CHL1: variants seen among roughly 807,000 people sequenced by gnomAD.
CHL1 encodes the protein neural cell adhesion molecule L1-like protein.
In CHL1, 96 loss-of-function variants were observed where a neutral mutation model predicts 141.9. That is an observed-to-expected ratio of 0.68 (90% CI 0.57 to 0.80). The LOEUF is 0.80. Ranked by LOEUF, CHL1 falls within the 30% of genes least tolerant of loss-of-function variation. The probability of loss-of-function intolerance (pLI) is 0.00; values close to 1 mark genes in which losing one functional copy is unlikely to be tolerated. For missense variants in CHL1, 1,820 were observed against 1,457.2 expected (o/e 1.25, Z -4.05); for synonymous variants, 613 against 502.2 (o/e 1.22, Z -2.95).
intron 2 of CHL1, among the ~76,000 whole-genome samples, chr3:279,251 A>G (rs916476436): frequency 4.6e-5 from 7 of 152,204 alleles, no homozygotes; most frequent in Non-Finnish European, 7.3e-5. Context: ...CAATAGAGAA[A>G]GTATCCGGTT....
At position 391,012 on chromosome 3, in the gene CHL1, A is replaced by G. The variant is rs757068196; in HGVS notation, c.2644A>G (p.Asn882Asp). ...LDGRTHPKEV[N>D]ILRFSGQRNS... Reference sequence around the variant, plus strand: ...TGGAAGAACACATCCCAAAGAAGTGAACATTCTAAGATTTTCAGGACAAAG... The same window carrying G: ...TGGAAGAACACATCCCAAAGAAGTGGACATTCTAAGATTTTCAGGACAAAG... Residue 882 changes from asparagine (N) to aspartate (D), a missense_variant, in exon 22 of 28, where the codon AAC (asparagine) becomes GAC (aspartate). Coordinates refer to ENST00000256509, the MANE Select transcript of CHL1 (RefSeq NM_006614.4). 6.2e-7 allele frequency: 1 copy of G among 1,614,210 alleles called. No homozygotes were observed. The highest frequency in any genetic ancestry group is 2.2e-5 in the East Asian group (1 of 44,884).
intron 2 of CHL1, among the ~76,000 whole-genome samples, chr3:252,497 A>G (rs888372764): frequency 1.3e-5 from 2 of 150,748 alleles, no homozygotes; most frequent in Non-Finnish European, 3.0e-5. Context: ...TAGGAAACAC[A>G]TATTGAATAT....
intron 1 of CHL1, among the ~76,000 whole-genome samples, chr3:240,946 A>G (rs553386061): frequency 2.6e-5 from 4 of 152,068 alleles, no homozygotes; most frequent in East Asian, 1.9e-4. Context: ...ATTCTGTTCC[A>G]TTGGTCTATG....
chr3:210,176 A>G (rs1699785677), intron 1 of CHL1, among the ~76,000 whole-genome samples: 1 of 152,248 alleles, frequency 6.6e-6, no homozygotes, highest in African/African-American at 2.4e-5. Flanking sequence ...ATGATGAAAA[A>G]TATTCTGAAT....
chr3:218,329 T>C (rs1300004063), intron 1 of CHL1, among the ~76,000 whole-genome samples: 1 of 152,204 alleles, frequency 6.6e-6, no homozygotes, highest in African/African-American at 2.4e-5. Context: ...AAAGACCCTT[T>C]CCATTCAATT....
chr3:226,570 C>T (rs1207725713), intron 1 of CHL1, among the ~76,000 whole-genome samples: 2 of 151,760 alleles, frequency 1.3e-5, no homozygotes, highest in Non-Finnish European at 2.9e-5. Flanking sequence ...CTGCTTCAGC[C>T]TCCCGAGTGG....
At chr3:235,552 G>T (rs1176969579) in intron 1 of CHL1, among the ~76,000 whole-genome samples, 1 of 152,100 alleles carries the variant, frequency 6.6e-6, no homozygotes, top group Non-Finnish European at 1.5e-5. Context: ...GTGTGATCAG[G>T]CATTAGTTCA....
intron 9 of CHL1, among the ~76,000 whole-genome samples, chr3:347,447 G>T (rs1375956886): frequency 6.6e-6 from 1 of 152,042 alleles, no homozygotes; most frequent in Non-Finnish European, 1.5e-5. Flanking sequence ...TTTTTGCCAT[G>T]GTATAGACCT....
intron 9 of CHL1, among the ~76,000 whole-genome samples, chr3:346,016 A>T (rs1036262): frequency 0.87 from 131,698 of 152,200 alleles, 60,186 homozygotes; most frequent in East Asian, 1. Flanking sequence ...AGCACCTGGG[A>T]TTACTCATTT....
At position 344,724 on chromosome 3, in the gene CHL1, T is replaced by A. The variant is rs1702618599; in HGVS notation, c.848+15T>A. On this transcript the variant is annotated intron_variant, in intron 9 of 27. Coordinates refer to ENST00000256509, the MANE Select transcript of CHL1 (RefSeq NM_006614.4). ...GCTGAAGGCTTGTGAGTAACCTGAC[T>A]CTCACTCATGACTTTGTCCATCCAG... 1 of 1,612,754 alleles carries A rather than the reference T, an allele frequency of 6.2e-7. No homozygotes were observed.
chr3:342,391 G>C (rs965754451), intron 7 of CHL1, among the ~76,000 whole-genome samples: 1 of 152,108 alleles, frequency 6.6e-6, no homozygotes, highest in Admixed American at 6.6e-5. Flanking sequence ...CAAATCTTGG[G>C]CATCGATTCA....
At chr3:303,803 G>C (rs1575010023) in intron 2 of CHL1, among the ~76,000 whole-genome samples, 1 of 152,074 alleles carries the variant, frequency 6.6e-6, no homozygotes, top group Admixed American at 6.6e-5. Context: ...GTCTTGTGCT[G>C]GTTTTCAAAG....
intron 2 of CHL1, among the ~76,000 whole-genome samples, chr3:311,545 C>A (rs180687943): frequency 3.9e-5 from 6 of 152,164 alleles, no homozygotes. Flanking sequence ...ATGTGACAAC[C>A]CCAGCTGCTC....
At chr3:393,728 G>GT (rs1186109640) in intron 23 of CHL1, among the ~76,000 whole-genome samples, 2 of 152,012 alleles carry the variant, frequency 1.3e-5, no homozygotes, top group African/African-American at 4.8e-5. Flanking sequence ...GATTGTAGTC[G>GT]TTTTTCAATT....
intron 15 of CHL1, among the ~76,000 whole-genome samples, chr3:375,471 G>C (rs1024163286): frequency 6.6e-6 from 1 of 151,868 alleles, no homozygotes; most frequent in Admixed American, 6.6e-5. Context: ...GAGGGAAGGG[G>C]AGAAGTTGAA....
chr3:320,604 C>G (rs1234677306), intron 3 of CHL1, among the ~76,000 whole-genome samples: 7 of 151,908 alleles, frequency 4.6e-5, no homozygotes, highest in Non-Finnish European at 7.4e-5. Context: ...GGAGGATTGC[C>G]TGAGCCCAGG....
intron 1 of CHL1, chr3:197,600 C>A (rs1421201806): frequency 1.1e-5 from 4 of 355,464 alleles, no homozygotes; most frequent in African/African-American, 8.6e-5. Flanking sequence ...TGTGGCTCCT[C>A]CTCTCAGGAG....
At chr3:342,195 G>C (rs114572209) in intron 7 of CHL1, 113 bp downstream of exon 7, 9 of 871,522 alleles carry the variant, frequency 1.0e-5, no homozygotes, top group Non-Finnish European at 1.2e-5. Flanking sequence ...CCATTGTGCA[G>C]TTCAACTCTG....
chr3:397,512 G>A (rs1157869), intron 24 of CHL1, among the ~76,000 whole-genome samples: 143,201 of 152,114 alleles, frequency 0.94, 67,998 homozygotes, highest in East Asian at 1. Context: ...TCCCAGCAAA[G>A]CTGTGGATCA....
Sources: allele counts gnomAD v4.1 joint callset (sites outside exome capture counted in the v4.1 genomes callset), GRCh38; gene constraint gnomAD v4.1.1; transcripts MANE v1.5; gene names NCBI Gene and HGNC (gene_info 2026-07-23, HGNC 2026-07-21).